The following SAMMSON variants were observed in gnomAD, a reference collection of about 807,000 sequenced individuals.
SAMMSON encodes survival associated mitochondrial melanoma specific oncogenic non-coding RNA.
intron 3 of SAMMSON, among the ~76,000 whole-genome samples, chr3:70,056,251 T>C (rs2067167015): frequency 6.6e-6 from 1 of 152,092 alleles, no homozygotes; most frequent in African/African-American, 2.4e-5. Context: ...TGCTCCTTTA[T>C]TCAACAAAGA....
intron 6 of SAMMSON, among the ~76,000 whole-genome samples, chr3:70,285,982 T>C (rs1187414722): frequency 6.6e-6 from 1 of 151,324 alleles, no homozygotes; most frequent in Admixed American, 6.6e-5. Flanking sequence ...GAGTAGGTTG[T>C]GAAAATTTTC....
intron 4 of SAMMSON, among the ~76,000 whole-genome samples, chr3:70,160,821 C>A (rs2067611807): frequency 6.6e-6 from 1 of 152,038 alleles, no homozygotes; most frequent in Non-Finnish European, 1.5e-5. Flanking sequence ...TCTTCCAATC[C>A]ATAGATATAG....
At chr3:70,202,665 T>A (rs1701251519) in intron 4 of SAMMSON, among the ~76,000 whole-genome samples, 1 of 152,158 alleles carries the variant, frequency 6.6e-6, no homozygotes, top group South Asian at 2.1e-4. Flanking sequence ...AACAGTGGTG[T>A]TTTGCTGGGA....
intron 4 of SAMMSON, among the ~76,000 whole-genome samples, chr3:70,247,603 A>G (rs1211388620): frequency 6.6e-6 from 1 of 151,980 alleles, no homozygotes; most frequent in Admixed American, 6.6e-5. Context: ...TTTAATATAT[A>G]ACATTATATC....
chr3:70,402,211 G>A (rs114523141), intron 2 of SAMMSON, among the ~76,000 whole-genome samples: 83 of 152,236 alleles, frequency 5.5e-4, no homozygotes, highest in Middle Eastern at 6.8e-3. Context: ...TATTTAATCC[G>A]GAGCAATAGA....
intron 3 of SAMMSON, among the ~76,000 whole-genome samples, chr3:70,066,605 A>G (rs1013812969): frequency 4.6e-5 from 7 of 152,146 alleles, no homozygotes; most frequent in South Asian, 2.1e-4. Context: ...TCATATTTAT[A>G]TCAGATTTAT....
At chr3:70,087,562 A>G (rs536820865) in intron 4 of SAMMSON, among the ~76,000 whole-genome samples, 2 of 152,312 alleles carry the variant, frequency 1.3e-5, no homozygotes, top group South Asian at 4.1e-4. Context: ...TCCAAGTGGT[A>G]TAGCCACGCA....
At chr3:70,194,659 G>T (rs1701158149) in intron 4 of SAMMSON, among the ~76,000 whole-genome samples, 1 of 152,180 alleles carries the variant, frequency 6.6e-6, no homozygotes, top group African/African-American at 2.4e-5. Context: ...TACCACATAA[G>T]ACCTGGTGAT....
At chr3:70,229,918 A>C (rs927558218) in intron 4 of SAMMSON, among the ~76,000 whole-genome samples, 3 of 152,168 alleles carry the variant, frequency 2.0e-5, no homozygotes, top group Non-Finnish European at 4.4e-5. Flanking sequence ...AATCAAGAAT[A>C]TTTTGGGGTA....
intron 6 of SAMMSON, among the ~76,000 whole-genome samples, chr3:70,254,467 A>G (rs561323918): frequency 6.6e-6 from 1 of 152,310 alleles, no homozygotes; most frequent in South Asian, 2.1e-4. Context: ...TAAAAGAAAA[A>G]TAGACCTTCT....
chr3:70,148,572 C>T (rs1043114977), intron 4 of SAMMSON, among the ~76,000 whole-genome samples: 1 of 152,050 alleles, frequency 6.6e-6, no homozygotes, highest in Non-Finnish European at 1.5e-5. Context: ...TTGTGAAGGC[C>T]TCAGGCTGCT....
intron 6 of SAMMSON, among the ~76,000 whole-genome samples, chr3:70,269,278 ATT>A (rs1263436748): frequency 1.3e-5 from 2 of 152,216 alleles, no homozygotes; most frequent in Admixed American, 6.5e-5. Flanking sequence ...GCAGTGTTAA[ATT>A]AAGTTTAGCC....
At chr3:70,076,160 A>G (rs964362255) in intron 4 of SAMMSON, among the ~76,000 whole-genome samples, 2 of 152,116 alleles carry the variant, frequency 1.3e-5, no homozygotes, top group Admixed American at 6.6e-5. Context: ...TCAAACTCCA[A>G]AGCAAATCTA....
intron 4 of SAMMSON, among the ~76,000 whole-genome samples, chr3:70,145,901 C>A (rs535271524): frequency 2.0e-5 from 3 of 151,672 alleles, no homozygotes; most frequent in Admixed American, 1.3e-4. Flanking sequence ...ATAAAAATAT[C>A]AAGTGAAACT....
rs995832511 is a variant in SAMMSON, at chr3:70,415,358, T to TA, written n.234-47192dup. 1.3e-4 allele frequency among the ~76,000 whole-genome samples: 19 copies of TA among 150,564 alleles called. No homozygotes were observed. The South Asian group carries it at 1.3e-3, about 10-fold the overall frequency. On this transcript the variant is annotated intron_variant and non_coding_transcript_variant, in intron 2 of 3. Transcript: ENST00000641053. Reference sequence around the variant, plus strand: ...CTTTGGTTCTCTGAGTTGCTGTGAATAAAAAAAAAATTTAATCACAAAGGA... The same window carrying TA: ...CTTTGGTTCTCTGAGTTGCTGTGAATAAAAAAAAAAATTTAATCACAAAGGA...
intron 4 of SAMMSON, among the ~76,000 whole-genome samples, chr3:70,112,877 G>A (rs2067395183): frequency 6.6e-6 from 1 of 152,128 alleles, no homozygotes. Context: ...AACCCAGAGT[G>A]CTTCGAATGA....
chr3:70,373,631 C>G (rs1250924642), intron 9 of SAMMSON, among the ~76,000 whole-genome samples: 1 of 152,130 alleles, frequency 6.6e-6, no homozygotes. Context: ...CCAGTACATT[C>G]TTGAAGCTCT....
chr3:70,028,143 T>TTTCCTTCCTTCCTTCC (rs540467067), intron 3 of SAMMSON, among the ~76,000 whole-genome samples: 19 of 130,848 alleles, frequency 1.5e-4, no homozygotes, highest in African/African-American at 5.8e-4. Context: ...TCCTTCCTTC[T>TTTCCTTCCTTCCTTCC]TTCCTTCCTT....
At chr3:70,248,429 G>C (rs1701729349) in intron 4 of SAMMSON, among the ~76,000 whole-genome samples, 1 of 152,046 alleles carries the variant, frequency 6.6e-6, no homozygotes, top group South Asian at 2.1e-4. Context: ...AAGCACACTG[G>C]TTTGAACTGG....
Sources: gnomAD v4.1 joint callset for allele counts (sites outside exome capture counted in the v4.1 genomes callset) on GRCh38, gnomAD v4.1.1 for gene constraint, MANE v1.5 for transcripts, NCBI Gene and HGNC (gene_info 2026-07-23, HGNC 2026-07-21) for gene names.